Variants in AGAP1 observed in about 807,000 individuals in gnomAD.
The protein encoded by AGAP1 is ArfGAP with GTPase domain, ankyrin repeat and PH domain 1.
AGAP1 carries 29 observed loss-of-function variants against 105.3 expected under a neutral mutation model. The ratio of observed to expected loss-of-function variants is 0.28; its 90% confidence interval spans 0.21 to 0.38. AGAP1 has a LOEUF of 0.38. Among genes scored for constraint, AGAP1 ranks in the 10% least tolerant of loss-of-function variants. The pLI is 1.00. For missense variants in AGAP1, 998 were observed against 1,165.1 expected, an observed-to-expected ratio of 0.86 and a Z score of 2.09; for synonymous variants, 509 against 485.9, an observed-to-expected ratio of 1.05 and a Z score of -0.63.
intron 1 of AGAP1, among the ~76,000 whole-genome samples, chr2:235,537,826 T>TC (rs1943291944): frequency 6.6e-6 from 1 of 152,152 alleles, no homozygotes; most frequent in African/African-American, 2.4e-5. Context: ...TGTTTTTTTT[T>TC]CCTCTGTCTC....
intron 12 of AGAP1, among the ~76,000 whole-genome samples, chr2:235,950,902 T>TGGC (rs1559685892): frequency 4.4e-5 from 1 of 22,948 alleles, no homozygotes. Flanking sequence ...TTTTTTTTTT[T>TGGC]TTTTTTTTTT....
chr2:235,582,506 G>T lies in AGAP1; in HGVS notation c.163+87657G>T, dbSNP rs372134274. 6.6e-6 allele frequency among the ~76,000 whole-genome samples: 1 copy of T among 152,170 alleles called. No individual in the cohort carries two copies. Among genetic ancestry groups the T allele is most frequent in the African/African-American group, 2.4e-5 (1 of 41,440 alleles). On this transcript the variant is annotated intron_variant, in intron 1 of 17. Transcript: ENST00000304032. This position sits in a 1 kb window ranked among gnomAD's most constrained non-coding sequence, Gnocchi z 4.7. ...CCCTCTTGAGTCAGATCGTGGGGTT[G>T]GTTGGTCATGCGTGTAATTATGTGT... is the stretch of plus-strand genomic sequence containing the variant.
rs2057709284 is a variant in AGAP1, at chr2:236,046,053, T to A, written c.1892-3006T>A. On this transcript the variant is annotated intron_variant, in intron 15 of 17. Transcript: ENST00000304032. This position sits in a 1 kb window ranked among gnomAD's most constrained non-coding sequence, Gnocchi z 5.2. ...GGAGGTAGGAGGGGGTGCACCACGGTCTGAACGAGGGGCCAGCATGAGTGG... is the reference window on the plus strand; with the variant it reads ...GGAGGTAGGAGGGGGTGCACCACGGACTGAACGAGGGGCCAGCATGAGTGG... 1 of 470,536 alleles carries A rather than the reference T, an allele frequency of 2.1e-6. No individual in the cohort carries two copies. Among genetic ancestry groups the A allele is most frequent in the African/African-American group, 2.0e-5 (1 of 50,030 alleles). The allele number at this position is 470,536 out of a possible 1,614,324, so 29.1% of individuals were successfully genotyped here.
intron 1 of AGAP1, among the ~76,000 whole-genome samples, chr2:235,626,143 G>T (rs1291757151): frequency 1.3e-5 from 2 of 151,260 alleles, no homozygotes; most frequent in African/African-American, 2.4e-5. Flanking sequence ...GAGGTCAGCA[G>T]TCTAGACCAG....
chr2:236,112,726 C>T (rs1407327987), intron 16 of AGAP1, among the ~76,000 whole-genome samples: 1 of 152,234 alleles, frequency 6.6e-6, no homozygotes, highest in African/African-American at 2.4e-5. Context: ...ACGCACAGAA[C>T]GCTCTCCCGC....
At chr2:235,722,555 AG>A (rs1029737126) in intron 3 of AGAP1, among the ~76,000 whole-genome samples, 2 of 152,116 alleles carry the variant, frequency 1.3e-5, no homozygotes, top group African/African-American at 4.8e-5. Flanking sequence ...CTGTCATCAC[AG>A]TGTTTTCCTG....
In AGAP1 at chr2:235,599,254, C is replaced by T. The variant is rs1472856081; in HGVS notation, c.163+104405C>T. 2.0e-5 allele frequency among the ~76,000 whole-genome samples: 3 copies of T among 152,112 alleles called. No individual in the cohort carries two copies. Among genetic ancestry groups the T allele is most frequent in the Admixed American group, 1.3e-4 (2 of 15,258 alleles). ...CCCACACAGCTGTTCATTTCGGTGG[C>T]CGAGGGCCTGTGGGCTGCAGTACGT... On this transcript the variant is annotated intron_variant, in intron 1 of 17. Coordinates refer to ENST00000304032, the MANE Select transcript of AGAP1 (RefSeq NM_001037131.3). This position sits in a 1 kb window ranked among gnomAD's most constrained non-coding sequence, Gnocchi z 5.3.
In AGAP1 at chr2:236,124,592, C is replaced by A. The variant is rs577491778; in HGVS notation, c.*470C>A. 1 of 201,324 alleles carries A rather than the reference C, an allele frequency of 5.0e-6. No homozygotes were observed. Among genetic ancestry groups the A allele is most frequent in the African/African-American group, 2.3e-5 (1 of 42,712 alleles). 12.5% of individuals were successfully genotyped at this position (201,324 alleles called of 1,614,324 possible). A position where few individuals can be genotyped will look rare whatever the true frequency, so the allele number is the denominator to read the frequency against. On this transcript the variant is annotated 3_prime_UTR_variant, in exon 18 of 18. Coordinates refer to ENST00000304032, the MANE Select transcript of AGAP1 (RefSeq NM_001037131.3). This position sits in a 1 kb window ranked among gnomAD's most constrained non-coding sequence, Gnocchi z 5.1. Reference sequence around the variant, plus strand: ...GGAGCTCGACGGCATAAATCAGAAGCAAGCACAGAGTTTGTCAGGTTTGAA... The same window carrying A: ...GGAGCTCGACGGCATAAATCAGAAGAAAGCACAGAGTTTGTCAGGTTTGAA...
At chr2:235,807,029 CAG>C (rs536930862) in intron 8 of AGAP1, among the ~76,000 whole-genome samples, 99 of 152,270 alleles carry the variant, frequency 6.5e-4, no homozygotes, top group African/African-American at 1.6e-3. Flanking sequence ...GTGGAAAAGT[CAG>C]GGGGAAAGTT....
In AGAP1 at chr2:235,747,282, T is replaced by G. The variant is rs1463252058; in HGVS notation, c.538+2443T>G. Among the ~76,000 whole-genome samples the G allele has an allele frequency of 6.6e-6, 1 of 152,096 alleles. No individual in the cohort carries two copies. Among genetic ancestry groups the G allele is most frequent in the East Asian group, 1.9e-4 (1 of 5,166 alleles). On this transcript the variant is annotated intron_variant, in intron 5 of 17. Coordinates refer to ENST00000304032, the MANE Select transcript of AGAP1 (RefSeq NM_001037131.3). This position sits in a 1 kb window ranked among gnomAD's most constrained non-coding sequence, Gnocchi z 5.0. ...GATTCTCGAGAAACCCTGATGAAGT[T>G]GAAGTCCTTGAGTAAAAGAAAGTAC...
In AGAP1 at chr2:235,750,599, A is replaced by G. The variant is rs553839639; in HGVS notation, c.673+111A>G. 1.1e-4 allele frequency: 166 copies of G among 1,492,030 alleles called. No homozygotes were observed. The highest frequency in any genetic ancestry group is 4.1e-4 in the Admixed American group (24 of 58,606). 92.4% of individuals were successfully genotyped at this position (1,492,030 alleles called of 1,614,324 possible). A position where few individuals can be genotyped will look rare whatever the true frequency, so the allele number is the denominator to read the frequency against. ...TGTGGGTGGTGGAAATATGTCGTTG[A>G]TGGGTGGGCATTAGTATCGAGAGCA... is the stretch of plus-strand genomic sequence containing the variant. On this transcript the variant is annotated intron_variant, in intron 6 of 17. Transcript: ENST00000304032. This position sits in a 1 kb window ranked among gnomAD's most constrained non-coding sequence, Gnocchi z 5.3.
intron 12 of AGAP1, among the ~76,000 whole-genome samples, chr2:235,946,146 G>C (rs537914494): frequency 1.3e-5 from 2 of 152,026 alleles, no homozygotes; most frequent in East Asian, 1.9e-4. Flanking sequence ...TTAAAATGCA[G>C]ATAAGCTCTT....
intron 6 of AGAP1, among the ~76,000 whole-genome samples, chr2:235,780,109 G>A (rs115124587): frequency 0.02 from 3,118 of 152,164 alleles, 99 homozygotes; most frequent in African/African-American, 0.071. Context: ...CCTGGGGGGG[G>A]CTGCCCCTCC....
intron 6 of AGAP1, among the ~76,000 whole-genome samples, chr2:235,795,261 A>G (rs2150030671): frequency 6.6e-6 from 1 of 152,260 alleles, no homozygotes; most frequent in East Asian, 1.9e-4. Flanking sequence ...TGCTTCCCCA[A>G]ACAATTCATT....
Position 236,120,739 on chromosome 2 carries a change from G to A in AGAP1, c.2370+292G>A, listed in dbSNP as rs932279341. On this transcript the variant is annotated intron_variant, in intron 17 of 17. Coordinates refer to ENST00000304032, the MANE Select transcript of AGAP1 (RefSeq NM_001037131.3). This position sits in a 1 kb window ranked among gnomAD's most constrained non-coding sequence, Gnocchi z 6.0. The stretch of plus-strand genomic sequence containing the variant: ...CATTTCCATCATCTTCTGGAGAGAA[G>A]GCGGTGTATTAACGGGATGGCTTGT... Among the ~76,000 whole-genome samples, 4 of 152,176 alleles carry A rather than the reference G, an allele frequency of 2.6e-5. No individual in the cohort carries two copies. Among genetic ancestry groups the A allele is most frequent in the Non-Finnish European group, 5.9e-5 (4 of 68,032 alleles).
chr2:236,085,086 T>C (rs867396431), intron 16 of AGAP1, among the ~76,000 whole-genome samples: 1 of 132,992 alleles, frequency 7.5e-6, no homozygotes, highest in Non-Finnish European at 1.6e-5. Context: ...TGTGGTGGTG[T>C]GCGCCTGTAA....
At position 235,842,506 on chromosome 2, in the gene AGAP1, A is replaced by G. The variant is rs1334520375; in HGVS notation, c.1050+35175A>G. On this transcript the variant is annotated intron_variant, in intron 9 of 17. Coordinates refer to ENST00000304032, the MANE Select transcript of AGAP1 (RefSeq NM_001037131.3). The surrounding 1 kb of genome is among the most constrained non-coding windows in gnomAD (Gnocchi z 5.3). ...AGTGCATTAATAAAGCAGTGTGCTTATTACCCAGCCACAGGCGTTGCTTAT... is the reference window on the plus strand; with the variant it reads ...AGTGCATTAATAAAGCAGTGTGCTTGTTACCCAGCCACAGGCGTTGCTTAT... 3.3e-5 allele frequency among the ~76,000 whole-genome samples: 5 copies of G among 152,264 alleles called. No individual in the cohort carries two copies. The East Asian group carries it at 9.7e-4, about 29-fold the overall frequency.
intron 1 of AGAP1, among the ~76,000 whole-genome samples, chr2:235,636,688 C>T (rs1220751320): frequency 1.3e-5 from 2 of 152,132 alleles, no homozygotes; most frequent in African/African-American, 4.8e-5. Context: ...ACCAAGTCGT[C>T]GTGTCATCAC....
chr2:235,515,673 A>T (rs914349802), intron 1 of AGAP1, among the ~76,000 whole-genome samples: 5 of 152,226 alleles, frequency 3.3e-5, no homozygotes, highest in Non-Finnish European at 7.3e-5. Context: ...TTAAAAGAGA[A>T]TGGAAATGGA....
Sources: allele counts gnomAD v4.1 joint callset (sites outside exome capture counted in the v4.1 genomes callset), GRCh38; gene constraint gnomAD v4.1.1; non-coding constraint Gnocchi (gnomAD v3.1); transcripts MANE v1.5; gene names NCBI Gene and HGNC (gene_info 2026-07-23, HGNC 2026-07-21).